PLCG2: variants seen among roughly 807,000 people sequenced by gnomAD.
PLCG2 encodes the protein phospholipase C gamma 2.
A neutral mutation model predicts 175.6 loss-of-function variants in PLCG2; 69 were observed. The ratio of observed to expected loss-of-function variants is 0.39; its 90% CI spans 0.32 to 0.48. PLCG2 has a LOEUF of 0.48. PLCG2 is among the 20% of genes least tolerant of loss of function. The pLI is 0.91. For synonymous variants in PLCG2, 827 were observed against 624.0 expected, an observed-to-expected ratio of 1.33 and a Z score of -4.85; for missense variants, 1,798 against 1,650.9, an observed-to-expected ratio of 1.09 and a Z score of -1.54.
chr16:81,862,981 C>T (rs1028213247), intron 5 of PLCG2, among the ~76,000 whole-genome samples: 3 of 152,170 alleles, frequency 2.0e-5, no homozygotes, highest in Non-Finnish European at 2.9e-5. Flanking sequence ...CCTGACCAAT[C>T]ACCTTATGAT....
intron 2 of PLCG2, among the ~76,000 whole-genome samples, chr16:81,846,482 T>C (rs1447057697): frequency 6.6e-6 from 1 of 152,234 alleles, no homozygotes; most frequent in Non-Finnish European, 1.5e-5. Flanking sequence ...ACATTAGCAC[T>C]CTGCCTAACA....
chr16:81,832,159 A>C (rs1905287034), intron 2 of PLCG2, among the ~76,000 whole-genome samples: 2 of 152,110 alleles, frequency 1.3e-5, no homozygotes, highest in African/African-American at 4.8e-5. Context: ...GAGGAAATGC[A>C]CATAAAGCCT....
upstream of PLCG2, among the ~76,000 whole-genome samples, chr16:81,775,493 G>A (rs1910378891): frequency 1.3e-5 from 2 of 152,088 alleles, no homozygotes. Context: ...AGTCAGCCTT[G>A]GTTTTGCCCC....
At chr16:81,832,948 G>T (rs1905326713) in intron 2 of PLCG2, among the ~76,000 whole-genome samples, 1 of 152,222 alleles carries the variant, frequency 6.6e-6, no homozygotes, top group Non-Finnish European at 1.5e-5. Context: ...CCTCCTGTGT[G>T]CCCAGCTTGC....
intron 2 of PLCG2, among the ~76,000 whole-genome samples, chr16:81,851,246 T>C (rs563985787): frequency 2.7e-4 from 41 of 152,362 alleles, no homozygotes; most frequent in African/African-American, 9.6e-4. Flanking sequence ...AACCATTCAT[T>C]TAGCTGCTCC....
At chr16:81,762,645 T>A (rs2143090249) in intron 2 of PLCG2, among the ~76,000 whole-genome samples, 1 of 151,960 alleles carries the variant, frequency 6.6e-6, no homozygotes, top group East Asian at 1.9e-4. Context: ...TGAAACAGAA[T>A]CATTAGGTTG....
intron 15 of PLCG2, among the ~76,000 whole-genome samples, chr16:81,906,922 C>T (rs1445027823): frequency 6.6e-6 from 1 of 151,774 alleles, no homozygotes; most frequent in Non-Finnish European, 1.5e-5. Context: ...CCTGTAGTCC[C>T]AGCTACTCAG....
chr16:81,790,099 C>A (rs1160761400), intron 2 of PLCG2, among the ~76,000 whole-genome samples: 1 of 152,072 alleles, frequency 6.6e-6, no homozygotes, highest in East Asian at 1.9e-4. Context: ...TGGTGTCTAC[C>A]CCACAGGCTC....
rs972763602 is a variant in PLCG2, at chr16:81,907,845, C to T, written c.1557+71C>T. The stretch of plus-strand genomic sequence containing the variant: ...CCGAGGACCAGCCAGTCCCCGGGAC[C>T]TCCTTCCCATGTGGCTTCTCTGGCC... On this transcript the variant is annotated intron_variant, in intron 16 of 32. Coordinates refer to ENST00000564138, the MANE Select transcript of PLCG2 (RefSeq NM_002661.5). 1.6e-5 allele frequency: 17 copies of T among 1,084,686 alleles called. No individual in the cohort carries two copies. The African/African-American group carries it at 2.5e-4, about 16-fold the overall frequency. 67.2% of individuals were successfully genotyped at this position (1,084,686 alleles called of 1,614,324 possible). A position where few individuals can be genotyped will look rare whatever the true frequency, so the allele number is the denominator to read the frequency against.
intron 4 of PLCG2, among the ~76,000 whole-genome samples, chr16:81,858,641 G>A (rs1175428748): frequency 1.3e-5 from 2 of 152,106 alleles, no homozygotes; most frequent in South Asian, 2.1e-4. Context: ...GGAAAACAGG[G>A]CTTCCTTCTT....
At chr16:81,926,984 C>T (rs1597137267) in intron 22 of PLCG2, 98 bp from the exon 23 acceptor site, 1 of 770,284 alleles carries the variant, frequency 1.3e-6, no homozygotes, top group Non-Finnish European at 2.3e-6. Context: ...GCTGTCTGTC[C>T]CCATCAGAAT....
At chr16:81,943,341 C>T (rs968432253) in intron 30 of PLCG2, among the ~76,000 whole-genome samples, 1 of 152,108 alleles carries the variant, frequency 6.6e-6, no homozygotes, top group Non-Finnish European at 1.5e-5. Flanking sequence ...GGGGAACAAG[C>T]ACATATTTAC....
chr16:81,891,390 CT>C lies in PLCG2; in HGVS notation c.868-81del, dbSNP rs547264015. On this transcript the variant is annotated intron_variant, in intron 10 of 32. Coordinates refer to ENST00000564138, the MANE Select transcript of PLCG2 (RefSeq NM_002661.5). ...CCCGCATCAGAGCTGTTCTTCCCCC[CT>C]GGTGGGCGCAGACCAGAAACAAGCA... 3.2e-3 allele frequency: 2,613 copies of C among 825,038 alleles called. 8 individuals are homozygous for C. The highest frequency in any genetic ancestry group is 5.1e-3 in the Non-Finnish European group (2,352 of 465,284). 51.1% of individuals were successfully genotyped at this position (825,038 alleles called of 1,614,324 possible).
intron 31 of PLCG2, among the ~76,000 whole-genome samples, chr16:81,950,273 G>A (rs372926611): frequency 4.6e-5 from 7 of 152,142 alleles, no homozygotes; most frequent in Middle Eastern, 3.2e-3. Context: ...TGGGAAAATT[G>A]GGAAGGAAAA....
intron 1 of PLCG2, among the ~76,000 whole-genome samples, chr16:81,749,113 G>T (rs984975490): frequency 6.6e-6 from 1 of 152,068 alleles, no homozygotes; most frequent in African/African-American, 2.4e-5. Flanking sequence ...AGCAGTCTAG[G>T]ATGCCGGGCA....
intron 1 of PLCG2, among the ~76,000 whole-genome samples, chr16:81,781,259 C>T (rs1359516711): frequency 6.6e-6 from 1 of 152,188 alleles, no homozygotes; most frequent in Non-Finnish European, 1.5e-5. Context: ...CAACTATTGT[C>T]TGAAGCTATT....
At chr16:81,751,630 C>T (rs1909814072) in intron 1 of PLCG2, among the ~76,000 whole-genome samples, 2 of 152,106 alleles carry the variant, frequency 1.3e-5, no homozygotes, top group African/African-American at 4.8e-5. Flanking sequence ...ACAGTCTCAT[C>T]ACAAAAAAGT....
intron 8 of PLCG2, among the ~76,000 whole-genome samples, chr16:81,881,212 C>A (rs954516831): frequency 1.3e-5 from 2 of 151,844 alleles, no homozygotes; most frequent in African/African-American, 4.8e-5. Context: ...CCTCCTTTCC[C>A]CGAATGTGCC....
chr16:81,772,655 C>CA (rs34085438), intron 2 of PLCG2, among the ~76,000 whole-genome samples: 39,113 of 139,650 alleles, frequency 0.28, 5,864 homozygotes, highest in South Asian at 0.42. Flanking sequence ...ACTAAAAATA[C>CA]AAAAAAAAAA....
Sources: gnomAD v4.1 joint callset for allele counts (sites outside exome capture counted in the v4.1 genomes callset) on GRCh38, gnomAD v4.1.1 for gene constraint, MANE v1.5 for transcripts, NCBI Gene and HGNC (gene_info 2026-07-23, HGNC 2026-07-21) for gene names.